Variants in PLXNA4 observed in about 807,000 individuals in gnomAD.
PLXNA4 encodes the protein plexin-A4.
Under a neutral mutation model 191.8 loss-of-function variants are expected in PLXNA4, and 44 were observed. That is an observed-to-expected ratio of 0.23 (90% CI 0.18 to 0.29). PLXNA4 has a LOEUF of 0.29. Ranked by LOEUF, PLXNA4 falls within the 10% of genes least tolerant of loss-of-function variation. The probability of loss-of-function intolerance (pLI) is 1.00; values close to 1 mark genes in which losing one functional copy is unlikely to be tolerated. For missense variants in PLXNA4, 1,800 were observed against 2,488.8 expected (o/e 0.72, Z 5.89); for synonymous variants, 1,082 against 1,009.5 (o/e 1.07, Z -1.36).
intron 15 of PLXNA4, among the ~76,000 whole-genome samples, chr7:132,186,714 C>T (rs1017461184): frequency 6.6e-6 from 1 of 152,216 alleles, no homozygotes; most frequent in Admixed American, 6.5e-5. Context: ...TTGCTTTTAA[C>T]CTCCAAGCTA....
chr7:132,351,783 T>C (rs1394909428), intron 3 of PLXNA4, among the ~76,000 whole-genome samples: 2 of 151,968 alleles, frequency 1.3e-5, no homozygotes, highest in Non-Finnish European at 2.9e-5. Flanking sequence ...CTGGAAGCAA[T>C]GTGGGGGAAG....
At chr7:132,347,996 G>A (rs1317094779) in intron 3 of PLXNA4, among the ~76,000 whole-genome samples, 1 of 152,164 alleles carries the variant, frequency 6.6e-6, no homozygotes, top group Non-Finnish European at 1.5e-5. Context: ...AGGATGAAAG[G>A]AAAGGAGGAA....
intron 3 of PLXNA4, among the ~76,000 whole-genome samples, chr7:132,467,672 G>A (rs1796761265): frequency 6.6e-6 from 1 of 152,300 alleles, no homozygotes; most frequent in African/African-American, 2.4e-5. Context: ...AAAAGACGTT[G>A]AACCTAGGGA....
intron 25 of PLXNA4, among the ~76,000 whole-genome samples, chr7:132,154,058 C>T (rs1396340333): frequency 6.6e-6 from 1 of 152,188 alleles, no homozygotes; most frequent in Non-Finnish European, 1.5e-5. Flanking sequence ...TTCATGACCA[C>T]ATGCCTGGAC....
At chr7:132,328,867 T>C (rs1249980877) in intron 3 of PLXNA4, among the ~76,000 whole-genome samples, 6 of 152,138 alleles carry the variant, frequency 3.9e-5, no homozygotes, top group Admixed American at 2.6e-4. Flanking sequence ...GGAGAGACCA[T>C]TGCATATGAG....
At chr7:132,375,037 C>G (rs1804602015) in intron 3 of PLXNA4, among the ~76,000 whole-genome samples, 1 of 152,216 alleles carries the variant, frequency 6.6e-6, no homozygotes, top group Non-Finnish European at 1.5e-5. Context: ...TCTGCATTCT[C>G]ATCCTGGATA....
intron 3 of PLXNA4, among the ~76,000 whole-genome samples, chr7:132,416,692 G>C (rs1794673207): frequency 1.3e-5 from 2 of 152,224 alleles, no homozygotes; most frequent in Non-Finnish European, 2.9e-5. Flanking sequence ...TTGAACATTT[G>C]TAAAATAGCA....
intron 3 of PLXNA4, among the ~76,000 whole-genome samples, chr7:132,434,579 A>G (rs1036916464): frequency 2.6e-5 from 4 of 152,204 alleles, no homozygotes; most frequent in Admixed American, 6.5e-5. Context: ...CTTTCTTTGT[A>G]TAATACTTGC....
chr7:132,270,227 T>A (rs998612980), intron 4 of PLXNA4, among the ~76,000 whole-genome samples: 1 of 152,188 alleles, frequency 6.6e-6, no homozygotes, highest in African/African-American at 2.4e-5. Context: ...CTTTTAGCAA[T>A]AATTGCCGTG....
At chr7:132,472,301 T>C (rs572723844) in intron 3 of PLXNA4, among the ~76,000 whole-genome samples, 3 of 152,250 alleles carry the variant, frequency 2.0e-5, no homozygotes, top group Non-Finnish European at 2.9e-5. Flanking sequence ...ATTTTCCTTA[T>C]TGGATTTGGC....
Position 132,576,426 on chromosome 7 carries a change from A to G in PLXNA4, c.-91T>C, listed in dbSNP as rs1384090142. On this transcript the variant is annotated 5_prime_UTR_variant, in exon 1 of 32. Coordinates refer to ENST00000321063, the MANE Select transcript of PLXNA4 (RefSeq NM_020911.2). This position sits in a 1 kb window ranked among gnomAD's most constrained non-coding sequence, Gnocchi z 5.8. ...CCCGGCGGGCCGGCTCCTTACCTGG[A>G]CGCGCCGCGTTTCCCTCCTTCAGCG... The G allele has an allele frequency of 7.1e-5, 70 of 985,166 alleles. No homozygotes were observed. Among genetic ancestry groups the G allele is most frequent in the Non-Finnish European group, 7.8e-5 (65 of 829,956 alleles). The allele number at this position is 985,166 out of a possible 1,614,324, so 61.0% of individuals were successfully genotyped here.
intron 3 of PLXNA4, among the ~76,000 whole-genome samples, chr7:132,323,171 C>T (rs1346868952): frequency 6.6e-6 from 1 of 152,164 alleles, no homozygotes; most frequent in Admixed American, 6.5e-5. Context: ...TCCCTTTTGC[C>T]CTCTCCCCAC....
At chr7:132,265,937 A>G (rs1799835866) in intron 4 of PLXNA4, among the ~76,000 whole-genome samples, 1 of 152,204 alleles carries the variant, frequency 6.6e-6, no homozygotes, top group African/African-American at 2.4e-5. Context: ...TATAACATGA[A>G]AAGGGATGGG....
chr7:132,500,228 C>T (rs114510849), intron 2 of PLXNA4, among the ~76,000 whole-genome samples: 1,622 of 152,252 alleles, frequency 0.011, 30 homozygotes, highest in African/African-American at 0.037. Context: ...GGTGGATCAC[C>T]TGTCAGGAGT....
At chr7:132,417,363 C>G (rs952132092) in intron 3 of PLXNA4, among the ~76,000 whole-genome samples, 2 of 152,198 alleles carry the variant, frequency 1.3e-5, no homozygotes, top group African/African-American at 4.8e-5. Context: ...GGGCTGCCTC[C>G]TCTGCTTCTT....
At chr7:132,384,765 C>T (rs1805049258) in intron 3 of PLXNA4, 2 of 1,084,896 alleles carry the variant, frequency 1.8e-6, no homozygotes, top group African/African-American at 1.8e-5. Context: ...CACACACACA[C>T]ACACACACAC....
intron 21 of PLXNA4, among the ~76,000 whole-genome samples, chr7:132,170,090 G>C (rs1345499548): frequency 6.6e-6 from 1 of 152,082 alleles, no homozygotes; most frequent in East Asian, 1.9e-4. Context: ...TGGTTTCAGA[G>C]TCGGTCATGC....
chr7:132,582,192 C>T (rs191002781), upstream of PLXNA4, among the ~76,000 whole-genome samples: 6 of 152,356 alleles, frequency 3.9e-5, no homozygotes, highest in Non-Finnish European at 8.8e-5. Context: ...CTGCCTAGTA[C>T]ACTGGCTAAG....
At chr7:132,607,723 A>C (rs375042372) in intron 2 of PLXNA4, among the ~76,000 whole-genome samples, 9 of 152,340 alleles carry the variant, frequency 5.9e-5, no homozygotes, top group African/African-American at 1.9e-4. Flanking sequence ...AATTCAGAAC[A>C]GAAGCATTAT....
Sources: allele counts gnomAD v4.1 joint callset (sites outside exome capture counted in the v4.1 genomes callset), GRCh38; gene constraint gnomAD v4.1.1; non-coding constraint Gnocchi (gnomAD v3.1); transcripts MANE v1.5; gene names NCBI Gene and HGNC (gene_info 2026-07-23, HGNC 2026-07-21).